The following NPLOC4 variants were observed in gnomAD, a reference collection of about 807,000 sequenced individuals.
The protein encoded by NPLOC4 is nuclear protein localization protein 4 homolog.
In NPLOC4, 18 loss-of-function variants were observed where a neutral mutation model predicts 80.6. That is an observed-to-expected ratio of 0.22 (90% CI 0.15 to 0.33). The LOEUF (loss-of-function observed/expected upper bound fraction) is 0.33. Ranked by LOEUF, NPLOC4 falls within the 10% of genes least tolerant of loss-of-function variation. The probability of loss-of-function intolerance (pLI) is 1.00; values close to 1 mark genes in which losing one functional copy is unlikely to be tolerated. For missense variants in NPLOC4, 540 were observed against 786.1 expected (o/e 0.69, Z 3.74); for synonymous variants, 313 against 301.5 (o/e 1.04, Z -0.39).
At chr17:81,600,304 G>A (rs748685469) in intron 9 of NPLOC4, 37 bp downstream of exon 9, 6 of 1,515,880 alleles carry the variant, frequency 4.0e-6, no homozygotes, top group Non-Finnish European at 4.5e-6. Context: ...ACAGAGCCTG[G>A]CCACGCCCCC....
intron 16 of NPLOC4, chr17:81,561,000 G>A (rs908826801): frequency 3.3e-5 from 5 of 151,782 alleles, no homozygotes; most frequent in South Asian, 2.1e-4. Flanking sequence ...TGTTGTTGCC[G>A]AGGCTGGAGT....
intron 3 of NPLOC4, among the ~76,000 whole-genome samples, chr17:81,617,663 C>CCCCCCCCCCCCT (rs2035536057): frequency 1.1e-4 from 15 of 134,156 alleles, no homozygotes; most frequent in East Asian, 5.0e-4. Flanking sequence ...CAAAAAATGC[C>CCCCCCCCCCCCT]CCCCCTCCCC....
At chr17:81,602,611 A>G (rs1302566066) in intron 8 of NPLOC4, among the ~76,000 whole-genome samples, 4 of 151,850 alleles carry the variant, frequency 2.6e-5, no homozygotes, top group Non-Finnish European at 5.9e-5. Context: ...CTGAGGCAGG[A>G]GAATCACTTG....
intron 1 of NPLOC4, among the ~76,000 whole-genome samples, chr17:81,632,794 G>A (rs981951050): frequency 1.3e-5 from 2 of 152,064 alleles, no homozygotes; most frequent in African/African-American, 2.4e-5. Flanking sequence ...GGATTTGTCC[G>A]CTTTTAGTAA....
In NPLOC4 at chr17:81,577,801, C is replaced by T. The variant is rs1409978074; in HGVS notation, c.1282-5713G>A. Among the ~76,000 whole-genome samples the T allele has an allele frequency of 1.3e-5, 2 of 152,168 alleles. No homozygotes were observed. Among genetic ancestry groups the T allele is most frequent in the East Asian group, 1.9e-4 (1 of 5,172 alleles). On this transcript the variant is annotated intron_variant, in intron 12 of 16. Coordinates refer to ENST00000331134, the MANE Select transcript of NPLOC4 (RefSeq NM_017921.4). The surrounding 1 kb of genome is among the most constrained non-coding windows in gnomAD (Gnocchi z 4.3). ...GCTTGAGCCTGTGCTCCTCTCTGCA[C>T]ACCTGCCAGGCCTCCAAACCTCTCA...
intron 6 of NPLOC4, among the ~76,000 whole-genome samples, chr17:81,608,336 G>A (rs2035256751): frequency 6.6e-6 from 1 of 152,202 alleles, no homozygotes; most frequent in Non-Finnish European, 1.5e-5. Context: ...TGGTGTGTGT[G>A]GGGACAGCCT....
intron 3 of NPLOC4, among the ~76,000 whole-genome samples, chr17:81,616,333 A>AAAAGAAAAGAAAC (rs1555686398): frequency 2.6e-5 from 3 of 115,636 alleles, no homozygotes; most frequent in African/African-American, 3.4e-5. Context: ...AAAAAAAAAA[A>AAAAGAAAAGAAAC]AAAAAGAAAA....
intron 11 of NPLOC4, among the ~76,000 whole-genome samples, chr17:81,595,443 A>AC (rs1460368131): frequency 1.4e-4 from 19 of 136,654 alleles, no homozygotes; most frequent in African/African-American, 2.8e-5. Flanking sequence ...AAAAAAAAAA[A>AC]CCCGTTTTGC....
intron 10 of NPLOC4, among the ~76,000 whole-genome samples, chr17:81,596,709 C>T (rs2034916429): frequency 3.3e-5 from 5 of 152,254 alleles, no homozygotes; most frequent in Non-Finnish European, 7.3e-5. Flanking sequence ...GCAAACCACC[C>T]CGCCATGGGC....
rs1249617919 is a variant in NPLOC4, at chr17:81,558,637, A to G, written c.*622T>C. The stretch of plus-strand genomic sequence containing the variant: ...GCAGGAATTACTGATAACTGTTATT[A>G]TAACCAATGCAGACTTTAAAATCCC... On this transcript the variant is annotated 3_prime_UTR_variant, in exon 17 of 17. Coordinates refer to ENST00000331134, the MANE Select transcript of NPLOC4 (RefSeq NM_017921.4). 1 of 152,238 alleles carries G rather than the reference A, an allele frequency of 6.6e-6. No homozygotes were observed. The highest frequency in any genetic ancestry group is 2.4e-5 in the African/African-American group (1 of 41,444). The allele number at this position is 152,238 out of a possible 1,614,324, so 9.4% of individuals were successfully genotyped here.
rs1006236750 is a variant in NPLOC4 at position 81,637,020 on chromosome 17, C to A, written c.-90G>T. 1.1e-5 allele frequency: 9 copies of A among 838,566 alleles called. No individual in the cohort carries two copies. The highest frequency in any genetic ancestry group is 1.2e-5 in the Non-Finnish European group (8 of 642,806). 51.9% of individuals were successfully genotyped at this position (838,566 alleles called of 1,614,324 possible). ...GCAGACCCGGCCGCGGCCTCAGCCCCGGCCCCGGCCTCCCTACGCCGCCGC... is the reference window on the plus strand; with the variant it reads ...GCAGACCCGGCCGCGGCCTCAGCCCAGGCCCCGGCCTCCCTACGCCGCCGC... On this transcript the variant is annotated 5_prime_UTR_variant, in exon 1 of 17. Coordinates refer to ENST00000331134, the MANE Select transcript of NPLOC4 (RefSeq NM_017921.4).
At chr17:81,600,274 C>A in intron 9 of NPLOC4, 67 bp downstream of exon 9, 1 of 1,154,360 alleles carries the variant, frequency 8.7e-7, no homozygotes, top group South Asian at 1.3e-5. Flanking sequence ...TCTCCCAACT[C>A]CCCCTGGCCT....
rs990340630 is a variant in NPLOC4 at position 81,572,985 on chromosome 17, A to G, written c.1282-897T>C. Reference sequence around the variant, plus strand: ...TTGCTTTGTCAGATGCACAGAACATAAAGTTTAATTATGGGGAAAAACGGC... The same window carrying G: ...TTGCTTTGTCAGATGCACAGAACATGAAGTTTAATTATGGGGAAAAACGGC... On this transcript the variant is annotated intron_variant, in intron 12 of 16. Transcript: ENST00000331134. This position sits in a 1 kb window ranked among gnomAD's most constrained non-coding sequence, Gnocchi z 4.5. 2.6e-5 allele frequency among the ~76,000 whole-genome samples: 4 copies of G among 152,192 alleles called. No individual in the cohort carries two copies. The highest frequency in any genetic ancestry group is 5.9e-5 in the Non-Finnish European group (4 of 68,030).
In NPLOC4 at chr17:81,585,675, A is replaced by AGGG. The variant is rs1568132144; in HGVS notation, c.1281+3268_1281+3269insCCC. Among the ~76,000 whole-genome samples the AGGG allele has an allele frequency of 1.7e-3, 224 of 131,628 alleles. 11 individuals are homozygous for AGGG. The highest frequency in any genetic ancestry group is 7.1e-3 in the African/African-American group (215 of 30,310). The allele number at this position is 131,628 out of a possible 152,430, so 86.4% of individuals were successfully genotyped here. On this transcript the variant is annotated intron_variant, in intron 12 of 16. Coordinates refer to ENST00000331134, the MANE Select transcript of NPLOC4 (RefSeq NM_017921.4). ...GACTCCATTTCTGGGGGGGGGGGGA[A>AGGG]AGAAAGAAATCAGAGGCTGGGTGCA...
intron 6 of NPLOC4, among the ~76,000 whole-genome samples, chr17:81,607,464 A>T (rs1235704628): frequency 6.6e-6 from 1 of 152,116 alleles, no homozygotes; most frequent in African/African-American, 2.4e-5. Context: ...TAAAAACGAT[A>T]TATTTACAGT....
At chr17:81,607,706 C>T (rs1446661946) in intron 6 of NPLOC4, among the ~76,000 whole-genome samples, 4 of 152,196 alleles carry the variant, frequency 2.6e-5, no homozygotes, top group Non-Finnish European at 4.4e-5. Context: ...GACCAAGTCT[C>T]TTTCACTACA....
rs1322763256 is a variant in NPLOC4, at chr17:81,603,012, C to CACAT, written c.834+1532_834+1535dup. 2.2e-5 allele frequency among the ~76,000 whole-genome samples: 3 copies of CACAT among 135,932 alleles called. No homozygotes were observed. The East Asian group carries it at 5.8e-4, about 26-fold the overall frequency. 89.2% of individuals were successfully genotyped at this position (135,932 alleles called of 152,430 possible). The stretch of plus-strand genomic sequence containing the variant: ...ACACACACACACACACACACACACA[C>CACAT]ACATATAAAAGTCAGACATGGTGGT... On this transcript the variant is annotated intron_variant, in intron 8 of 16. Coordinates refer to ENST00000331134, the MANE Select transcript of NPLOC4 (RefSeq NM_017921.4).
At chr17:81,609,578 G>A (rs1444539760) in intron 5 of NPLOC4, among the ~76,000 whole-genome samples, 1 of 152,136 alleles carries the variant, frequency 6.6e-6, no homozygotes, top group Non-Finnish European at 1.5e-5. Context: ...CCAAAGTGTC[G>A]GGACTACAGG....
intron 1 of NPLOC4, 76 bp downstream of exon 1, chr17:81,636,840 C>A: frequency 7.6e-7 from 1 of 1,314,526 alleles, no homozygotes; most frequent in South Asian, 2.0e-5. Flanking sequence ...GCAGGCCCGC[C>A]TCCCCCACAG....
Sources: gnomAD v4.1 joint callset for allele counts (sites outside exome capture counted in the v4.1 genomes callset) on GRCh38, gnomAD v4.1.1 for gene constraint, Gnocchi (gnomAD v3.1) non-coding constraint, MANE v1.5 for transcripts, NCBI Gene and HGNC (gene_info 2026-07-23, HGNC 2026-07-21) for gene names.